The following TM9SF3 variants were observed in gnomAD, a reference collection of about 807,000 sequenced individuals.
TM9SF3 encodes the protein SM-11044-binding protein.
A neutral mutation model predicts 78.6 loss-of-function variants in TM9SF3; 14 were observed. That is an observed-to-expected ratio of 0.18 (90% CI 0.12 to 0.28). The LOEUF (loss-of-function observed/expected upper bound fraction) is 0.28. TM9SF3 is among the 10% of genes least tolerant of loss of function. The probability of loss-of-function intolerance (pLI) is 1.00; values close to 1 mark genes in which losing one functional copy is unlikely to be tolerated. For synonymous variants in TM9SF3, 231 were observed against 241.7 expected (o/e 0.96, Z 0.41); for missense variants, 496 against 721.9 (o/e 0.69, Z 3.59).
In TM9SF3 at chr10:96,565,190, C is replaced by G. The variant is rs182282553; in HGVS notation, c.421+114G>C. 1.7e-4 allele frequency: 167 copies of G among 1,008,404 alleles called. No homozygotes were observed. The Middle Eastern group carries it at 2.5e-3, about 15-fold the overall frequency. 62.5% of individuals were successfully genotyped at this position (1,008,404 alleles called of 1,614,324 possible). The stretch of plus-strand genomic sequence containing the variant: ...GGTATTAAAATCATTCTGTAAAAAA[C>G]AGTGAAAACACATTTACACCATGAT... On this transcript the variant is annotated intron_variant, in intron 3 of 14. Transcript: ENST00000371142.
intron 10 of TM9SF3, among the ~76,000 whole-genome samples, chr10:96,530,932 T>C (rs929706021): frequency 2.6e-5 from 4 of 152,206 alleles, no homozygotes; most frequent in Non-Finnish European, 4.4e-5. Flanking sequence ...CTTAGAACTC[T>C]ACAGGCATTT....
chr10:96,525,347 C>G (rs183248151), intron 14 of TM9SF3, among the ~76,000 whole-genome samples: 108 of 152,146 alleles, frequency 7.1e-4, no homozygotes, highest in African/African-American at 1.7e-3. Context: ...CAGGGAATGG[C>G]TATCACAGCA....
rs1847746857 is a variant in TM9SF3, at chr10:96,520,179, T to A, written c.*2084A>T. The A allele has an allele frequency of 6.6e-6, 1 of 151,938 alleles. No homozygotes were observed. The allele number at this position is 151,938 out of a possible 1,614,324, so 9.4% of individuals were successfully genotyped here. A position where few individuals can be genotyped will look rare whatever the true frequency, so the allele number is the denominator to read the frequency against. ...TGAGAAAGAAACCAAAAAAGTACTTTATATATAGTTAAAAGGTTACATAAT... is the reference window on the plus strand; with the variant it reads ...TGAGAAAGAAACCAAAAAAGTACTTAATATATAGTTAAAAGGTTACATAAT... On this transcript the variant is annotated 3_prime_UTR_variant, in exon 15 of 15. Coordinates refer to ENST00000371142, the MANE Select transcript of TM9SF3 (RefSeq NM_020123.4).
chr10:96,533,292 A>C, intron 9 of TM9SF3, 102 bp from the exon 10 acceptor site: 1 of 1,382,780 alleles, frequency 7.2e-7, no homozygotes, highest in Non-Finnish European at 9.7e-7. Flanking sequence ...ACAAAAGAAA[A>C]TGTTTAAGTT....
intron 2 of TM9SF3, among the ~76,000 whole-genome samples, chr10:96,574,728 G>A (rs987837067): frequency 6.6e-6 from 1 of 152,166 alleles, no homozygotes; most frequent in African/African-American, 2.4e-5. Flanking sequence ...ATATACCATG[G>A]AATACTATGC....
chr10:96,562,587 C>T (rs1381562471), intron 3 of TM9SF3, among the ~76,000 whole-genome samples: 1 of 152,162 alleles, frequency 6.6e-6, no homozygotes, highest in African/African-American at 2.4e-5. Context: ...AACCTATGAT[C>T]TACCCATTCC....
chr10:96,529,488 G>A (rs559936540), intron 11 of TM9SF3, among the ~76,000 whole-genome samples: 2 of 152,116 alleles, frequency 1.3e-5, no homozygotes, highest in East Asian at 3.9e-4. Context: ...GGGGACAAAT[G>A]TACAAATCTA....
intron 7 of TM9SF3, among the ~76,000 whole-genome samples, chr10:96,548,755 G>A (rs1224217466): frequency 2.9e-5 from 4 of 135,948 alleles, no homozygotes; most frequent in African/African-American, 8.5e-5. Flanking sequence ...CCAAGAACGC[G>A]TCACTGCACT....
At chr10:96,567,007 A>G (rs1229693632) in intron 2 of TM9SF3, among the ~76,000 whole-genome samples, 2 of 152,090 alleles carry the variant, frequency 1.3e-5, no homozygotes, top group Non-Finnish European at 2.9e-5. Context: ...ATTCATTGAT[A>G]ATGGTCATTA....
intron 11 of TM9SF3, among the ~76,000 whole-genome samples, chr10:96,529,442 T>C (rs541545079): frequency 6.6e-6 from 1 of 152,282 alleles, no homozygotes; most frequent in Non-Finnish European, 1.5e-5. Context: ...TTTAAAAAGT[T>C]ATAAAATTCG....
At chr10:96,526,314 T>C (rs1274886423) in intron 14 of TM9SF3, among the ~76,000 whole-genome samples, 1 of 151,384 alleles carries the variant, frequency 6.6e-6, no homozygotes, top group African/African-American at 2.4e-5. Flanking sequence ...TTTACACACA[T>C]GACACTATTC....
At chr10:96,579,921 G>A (rs1848542227) in intron 1 of TM9SF3, among the ~76,000 whole-genome samples, 1 of 152,154 alleles carries the variant, frequency 6.6e-6, no homozygotes, top group Non-Finnish European at 1.5e-5. Context: ...CACAACTTCT[G>A]AAGGAGAAAA....
At chr10:96,586,642 G>C (rs1848634593) in intron 1 of TM9SF3, 92 bp downstream of exon 1, 1 of 1,087,266 alleles carries the variant, frequency 9.2e-7, no homozygotes, top group Non-Finnish European at 1.2e-6. Flanking sequence ...GGGCACCACC[G>C]GGCCGCCGGG....
intron 3 of TM9SF3, among the ~76,000 whole-genome samples, chr10:96,564,522 A>G (rs1233757247): frequency 6.6e-6 from 1 of 152,218 alleles, no homozygotes; most frequent in Non-Finnish European, 1.5e-5. Context: ...TTATCTCTTG[A>G]TATTAACTTT....
rs1589442736 is a variant in TM9SF3 at position 96,518,532 on chromosome 10, C to T, written c.*3731G>A. 1 of 152,312 alleles carries T rather than the reference C, an allele frequency of 6.6e-6. No individual in the cohort carries two copies. The highest frequency in any genetic ancestry group is 6.5e-5 in the Admixed American group (1 of 15,300). 9.4% of individuals were successfully genotyped at this position (152,312 alleles called of 1,614,324 possible). On this transcript the variant is annotated 3_prime_UTR_variant, in exon 15 of 15. Coordinates refer to ENST00000371142, the MANE Select transcript of TM9SF3 (RefSeq NM_020123.4). ...AATTAGCAAGCCTAGTTCACCAATA[C>T]TTCAAAATAAACAGACTTCACAAGT...
In TM9SF3 at chr10:96,518,560, A is replaced by G. The variant is rs1417709439; in HGVS notation, c.*3703T>C. 1 of 152,204 alleles carries G rather than the reference A, an allele frequency of 6.6e-6. No individual in the cohort carries two copies. The highest frequency in any genetic ancestry group is 6.5e-5 in the Admixed American group (1 of 15,276). The allele number at this position is 152,204 out of a possible 1,614,324, so 9.4% of individuals were successfully genotyped here. ...CAAAATAAACAGACTTCACAAGTTT[A>G]TTTCCATTCCTAACAGTGGAATAAT... is the stretch of plus-strand genomic sequence containing the variant. On this transcript the variant is annotated 3_prime_UTR_variant, in exon 15 of 15. Coordinates refer to ENST00000371142, the MANE Select transcript of TM9SF3 (RefSeq NM_020123.4).
chr10:96,578,994 T>C (rs929343502), intron 1 of TM9SF3, among the ~76,000 whole-genome samples: 1 of 152,170 alleles, frequency 6.6e-6, no homozygotes, highest in South Asian at 2.1e-4. Context: ...AGAGAATCAC[T>C]TGAACCTGGG....
intron 10 of TM9SF3, among the ~76,000 whole-genome samples, chr10:96,531,909 A>G (rs922507396): frequency 6.6e-6 from 1 of 152,044 alleles, no homozygotes; most frequent in Non-Finnish European, 1.5e-5. Context: ...AAAAAAAATT[A>G]CTTTAAAAAA....
intron 1 of TM9SF3, among the ~76,000 whole-genome samples, chr10:96,581,011 A>G (rs995030493): frequency 3.9e-5 from 6 of 152,222 alleles, no homozygotes; most frequent in African/African-American, 1.4e-4. Context: ...GGAAATATGA[A>G]AACAGTGCCA....
Sources: gnomAD v4.1 joint callset for allele counts (sites outside exome capture counted in the v4.1 genomes callset) on GRCh38, gnomAD v4.1.1 for gene constraint, MANE v1.5 for transcripts, NCBI Gene and HGNC (gene_info 2026-07-23, HGNC 2026-07-21) for gene names.